The following SLC8A2 variants were observed in gnomAD, a reference collection of about 807,000 sequenced individuals.
The protein encoded by SLC8A2 is solute carrier family 8 member A2, also known as sodium/calcium exchanger 2.
A neutral mutation model predicts 70.2 loss-of-function variants in SLC8A2; 14 were observed. The ratio of observed to expected loss-of-function variants is 0.20; its 90% CI spans 0.13 to 0.31. The LOEUF (loss-of-function observed/expected upper bound fraction) is 0.31. Ranked by LOEUF, SLC8A2 falls within the 10% of genes least tolerant of loss-of-function variation. The pLI is 1.00. For missense variants in SLC8A2, 779 were observed against 1,320.1 expected (o/e 0.59, Z 6.35); for synonymous variants, 575 against 594.3 (o/e 0.97, Z 0.47).
intron 1 of SLC8A2, among the ~76,000 whole-genome samples, chr19:47,470,345 TCATACACACAC>T (rs1967518253): frequency 1.8e-5 from 2 of 109,142 alleles, no homozygotes; most frequent in African/African-American, 3.0e-5. Flanking sequence ...CAGGGAGACA[TCATACACACAC>T]ACACACACAC....
intron 2 of SLC8A2, among the ~76,000 whole-genome samples, chr19:47,458,893 A>ATC (rs917507723): frequency 3.0e-5 from 4 of 135,142 alleles, no homozygotes; most frequent in South Asian, 4.9e-4. Flanking sequence ...CTCTCTCCCC[A>ATC]TCTCTCTCTC....
At position 47,465,476 on chromosome 19, in the gene SLC8A2, T is replaced by C. The variant is rs567754570; in HGVS notation, c.675+253A>G. 1.3e-5 allele frequency among the ~76,000 whole-genome samples: 2 copies of C among 152,176 alleles called. No homozygotes were observed. Among genetic ancestry groups the C allele is most frequent in the African/African-American group, 4.8e-5 (2 of 41,560 alleles). ...AAAACAGTGCGTCCCTCTGGACAAA[T>C]AAATGTTTGCTGCACCCTCCAGAGA... On this transcript the variant is annotated intron_variant, in intron 2 of 9. Coordinates refer to ENST00000236877, the MANE Select transcript of SLC8A2 (RefSeq NM_015063.3). This position sits in a 1 kb window ranked among gnomAD's most constrained non-coding sequence, Gnocchi z 5.5.
At position 47,430,520 on chromosome 19, in the gene SLC8A2, C is replaced by T. The variant is rs746856365; in HGVS notation, c.2390-55G>A. On this transcript the variant is annotated intron_variant, in intron 9 of 9. Transcript: ENST00000236877. The surrounding 1 kb of genome is among the most constrained non-coding windows in gnomAD (Gnocchi z 5.9). The stretch of plus-strand genomic sequence containing the variant: ...GGCTTTGCGCCGCCACCCACAGGGG[C>T]GGGCATCCGCCTGCCCCCTCCCAGC... The T allele has an allele frequency of 2.6e-5, 39 of 1,494,176 alleles. No homozygotes were observed. Among genetic ancestry groups the T allele is most frequent in the Non-Finnish European group, 3.4e-5 (38 of 1,124,664 alleles). The allele number at this position is 1,494,176 out of a possible 1,614,324, so 92.6% of individuals were successfully genotyped here. A position where few individuals can be genotyped will look rare whatever the true frequency, so the allele number is the denominator to read the frequency against.
rs1381704961 is a variant in SLC8A2, at chr19:47,447,550, A to G, written c.1763+259T>C. ...CCCCGCCCCTCCCGAGGCCAAGCCC[A>G]CTTTGGAGAACGATTCACTCAGGCC... On this transcript the variant is annotated intron_variant, in intron 4 of 9. Coordinates refer to ENST00000236877, the MANE Select transcript of SLC8A2 (RefSeq NM_015063.3). The surrounding 1 kb of genome is among the most constrained non-coding windows in gnomAD (Gnocchi z 5.1). 4.4e-6 allele frequency: 2 copies of G among 453,696 alleles called. No homozygotes were observed. The highest frequency in any genetic ancestry group is 7.8e-6 in the Non-Finnish European group (2 of 256,296). 28.1% of individuals were successfully genotyped at this position (453,696 alleles called of 1,614,324 possible).
At position 47,432,477 on chromosome 19, in the gene SLC8A2, C is replaced by T. The variant is rs1477582053; in HGVS notation, c.2111-32G>A. ...GCACACGACCCAGCTGGGGCATACACTCAGACTTCCTTCCTTGCCTACAGA... is the reference window on the plus strand; with the variant it reads ...GCACACGACCCAGCTGGGGCATACATTCAGACTTCCTTCCTTGCCTACAGA... On this transcript the variant is annotated intron_variant, in intron 8 of 9. Coordinates refer to ENST00000236877, the MANE Select transcript of SLC8A2 (RefSeq NM_015063.3). The surrounding 1 kb of genome is among the most constrained non-coding windows in gnomAD (Gnocchi z 6.2). 5 of 1,538,902 alleles carry T rather than the reference C, an allele frequency of 3.2e-6. No homozygotes were observed. The highest frequency in any genetic ancestry group is 1.9e-5 in the Admixed American group (1 of 52,110).
chr19:47,450,785 G>A (rs957705482), intron 3 of SLC8A2, among the ~76,000 whole-genome samples: 7 of 152,084 alleles, frequency 4.6e-5, no homozygotes, highest in Admixed American at 3.9e-4. Context: ...AGTCCTCTGA[G>A]CCTTGGTTTC....
At position 47,448,304 on chromosome 19, in the gene SLC8A2, T is replaced by G. The variant is rs1245326048; in HGVS notation, c.1341-73A>C. 66 of 1,186,016 alleles carry G rather than the reference T, an allele frequency of 5.6e-5. No homozygotes were observed. The highest frequency in any genetic ancestry group is 7.7e-5 in the Non-Finnish European group (65 of 840,580). The allele number at this position is 1,186,016 out of a possible 1,614,324, so 73.5% of individuals were successfully genotyped here. A position where few individuals can be genotyped will look rare whatever the true frequency, so the allele number is the denominator to read the frequency against. On this transcript the variant is annotated intron_variant, in intron 3 of 9. Coordinates refer to ENST00000236877, the MANE Select transcript of SLC8A2 (RefSeq NM_015063.3). The surrounding 1 kb of genome is among the most constrained non-coding windows in gnomAD (Gnocchi z 4.8). ...GGCTGTGTGTTGTACGGGGGGAGTC[T>G]GGACGTGCTTCCCAGAGGAGACGTA...
In SLC8A2 at chr19:47,471,879, G is replaced by A. The variant is rs1340999708; in HGVS notation, c.-107C>T. ...AAAGAGAGAGAGAGATTGAGAGAGA[G>A]AAAAGCCTGAGACTGAGAGGGAGAG... On this transcript the variant is annotated 5_prime_UTR_variant, in exon 1 of 10. Coordinates refer to ENST00000236877, the MANE Select transcript of SLC8A2 (RefSeq NM_015063.3). 1 of 147,852 alleles carries A rather than the reference G, an allele frequency of 6.8e-6. No homozygotes were observed. The allele number at this position is 147,852 out of a possible 1,614,324, so 9.2% of individuals were successfully genotyped here.
rs1200654988 is a variant in SLC8A2, at chr19:47,468,290, C to T, written c.-16-1871G>A. On this transcript the variant is annotated intron_variant, in intron 1 of 9. Coordinates refer to ENST00000236877, the MANE Select transcript of SLC8A2 (RefSeq NM_015063.3). The surrounding 1 kb of genome is among the most constrained non-coding windows in gnomAD (Gnocchi z 5.1). ...CACCTGCTGTTCCCCCTTCCTCGAA[C>T]ACGCTTCTCTATTTATGTATTTTTG... Among the ~76,000 whole-genome samples the T allele has an allele frequency of 2.0e-5, 3 of 152,102 alleles. No homozygotes were observed. Among genetic ancestry groups the T allele is most frequent in the African/African-American group, 7.2e-5 (3 of 41,406 alleles).
Position 47,447,852 on chromosome 19 carries a change from CGTA to C in SLC8A2, c.1717_1719del (p.Tyr573del). ...AACTCCAGCTCTCCGCACGCGTCCT[CGTA>C]GTGCACGCCGCCGCCGCGCGCCGTG... On this transcript the variant is annotated inframe_deletion, in exon 4 of 10. Coordinates refer to ENST00000236877, the MANE Select transcript of SLC8A2 (RefSeq NM_015063.3). This position sits in a 1 kb window ranked among gnomAD's most constrained non-coding sequence, Gnocchi z 5.1. The C allele has an allele frequency of 6.3e-7, 1 of 1,595,784 alleles. No individual in the cohort carries two copies. The highest frequency in any genetic ancestry group is 8.5e-7 in the Non-Finnish European group (1 of 1,176,038).
At position 47,447,026 on chromosome 19, in the gene SLC8A2, C is replaced by A. The variant is rs993231306; in HGVS notation, c.1763+783G>T. 6.6e-6 allele frequency among the ~76,000 whole-genome samples: 1 copy of A among 151,654 alleles called. No individual in the cohort carries two copies. Among genetic ancestry groups the A allele is most frequent in the Non-Finnish European group, 1.5e-5 (1 of 67,870 alleles). ...GCCCTGCCCTGCCTTCCCAGGCCCCCAGATTCCAGCACCATCTTTTCCCAA... is the reference window on the plus strand; with the variant it reads ...GCCCTGCCCTGCCTTCCCAGGCCCCAAGATTCCAGCACCATCTTTTCCCAA... On this transcript the variant is annotated intron_variant, in intron 4 of 9. Coordinates refer to ENST00000236877, the MANE Select transcript of SLC8A2 (RefSeq NM_015063.3). This position sits in a 1 kb window ranked among gnomAD's most constrained non-coding sequence, Gnocchi z 5.1.
At chr19:47,459,894 TGCCAGGAACCCGGACA>T (rs1430253966) in intron 2 of SLC8A2, among the ~76,000 whole-genome samples, 7 of 152,254 alleles carry the variant, frequency 4.6e-5, no homozygotes, top group African/African-American at 1.7e-4. Context: ...GCTGCCCAGG[TGCCAGGAACCCGGACA>T]TCCTCATCCA....
chr19:47,452,429 AGAGAGAGAGAGAG>A (rs1967250162), intron 3 of SLC8A2, among the ~76,000 whole-genome samples: 5 of 111,236 alleles, frequency 4.5e-5, no homozygotes, highest in African/African-American at 8.0e-5. Flanking sequence ...AGAGAGAGAG[AGAGAGAGAGAGAG>A]AGAGTGTGTG....
At chr19:47,435,753 G>A (rs1188162072) in intron 8 of SLC8A2, among the ~76,000 whole-genome samples, 1 of 151,940 alleles carries the variant, frequency 6.6e-6, no homozygotes, top group Non-Finnish European at 1.5e-5. Flanking sequence ...TCTCCATGTT[G>A]GTCAGGCTGG....
rs1178346024 is a variant in SLC8A2 at position 47,457,580 on chromosome 19, C to T, written c.690G>A (p.Leu230=). 1 of 1,564,438 alleles carries T rather than the reference C, an allele frequency of 6.4e-7. No individual in the cohort carries two copies. The highest frequency in any genetic ancestry group is 1.4e-5 in the African/African-American group (1 of 71,100). The part of the protein sequence containing the change: ...SPGVVQVWEA[L]LTLVFFPVCV... ...ACACCGGGAAGAAGACCAGGGTCAG[C>T]AGCGCCTCCCACACCTGCGGGCGGC... Residue 230 remains leucine (L), a synonymous_variant, in exon 3 of 10, where the codon CTG becomes CTA. Transcript: ENST00000236877.
chr19:47,428,467 G>A lies in SLC8A2; in HGVS notation c.*1622C>T, dbSNP rs990404188. On this transcript the variant is annotated 3_prime_UTR_variant, in exon 10 of 10. Transcript: ENST00000236877. ...ACGGATGGGGGCGTGGCTAGTGGAA[G>A]CTCATTACTGATGGGGGCGTGGCGA... is the stretch of plus-strand genomic sequence containing the variant. 7.9e-5 allele frequency: 12 copies of A among 151,926 alleles called. No individual in the cohort carries two copies. The highest frequency in any genetic ancestry group is 4.4e-5 in the Non-Finnish European group (3 of 68,026). 9.4% of individuals were successfully genotyped at this position (151,926 alleles called of 1,614,324 possible). A position where few individuals can be genotyped will look rare whatever the true frequency, so the allele number is the denominator to read the frequency against.
At chr19:47,436,243 G>C (rs886726856) in intron 8 of SLC8A2, among the ~76,000 whole-genome samples, 75 of 152,272 alleles carry the variant, frequency 4.9e-4, no homozygotes, top group African/African-American at 1.8e-3. Flanking sequence ...TTTCAGGCTG[G>C]GTTAGGAACC....
chr19:47,432,104 C>G lies in SLC8A2; in HGVS notation c.2389+63G>C. On this transcript the variant is annotated intron_variant, in intron 9 of 9. Transcript: ENST00000236877. This position sits in a 1 kb window ranked among gnomAD's most constrained non-coding sequence, Gnocchi z 6.2. ...TCCACCCACCTCATTTTGGCAGGATCCTGTGTTGCCCCTGCCTGGCTCATC... is the reference window on the plus strand; with the variant it reads ...TCCACCCACCTCATTTTGGCAGGATGCTGTGTTGCCCCTGCCTGGCTCATC... 1 of 1,475,564 alleles carries G rather than the reference C, an allele frequency of 6.8e-7. No individual in the cohort carries two copies. The allele number at this position is 1,475,564 out of a possible 1,614,324, so 91.4% of individuals were successfully genotyped here.
At chr19:47,462,591 T>C (rs1160615244) in intron 2 of SLC8A2, among the ~76,000 whole-genome samples, 2 of 147,048 alleles carry the variant, frequency 1.4e-5, no homozygotes, top group African/African-American at 2.5e-5. Flanking sequence ...AATTTCTTTT[T>C]TTTTTTTTTT....
Sources: allele counts gnomAD v4.1 joint callset (sites outside exome capture counted in the v4.1 genomes callset), GRCh38; gene constraint gnomAD v4.1.1; non-coding constraint Gnocchi (gnomAD v3.1); transcripts MANE v1.5; gene names NCBI Gene and HGNC (gene_info 2026-07-23, HGNC 2026-07-21).